CLPB: variants seen among roughly 807,000 people sequenced by gnomAD.
The protein encoded by CLPB is ClpB family mitochondrial disaggregase, also known as mitochondrial disaggregase.
Under a neutral mutation model 78.4 loss-of-function variants are expected in CLPB, and 40 were observed. The observed-to-expected ratio is 0.51, with a 90% CI of 0.40 to 0.66. The LOEUF (loss-of-function observed/expected upper bound fraction) is 0.66. Among genes scored for constraint, CLPB ranks in the 30% least tolerant of loss-of-function variants. CLPB has a pLI of 0.00. For synonymous variants in CLPB, 333 were observed against 348.0 expected, an observed-to-expected ratio of 0.96 and a Z score of 0.48; for missense variants, 780 against 886.9, an observed-to-expected ratio of 0.88 and a Z score of 1.53.
Position 72,434,204 on chromosome 11 carries a change from G to C in CLPB, c.271C>G (p.Leu91Val). ...KCLAAATWGR[L>V]PGPEETLPGQ... ...GGGAGTGTTTCTTCGGGACCAGGAAGGCGTCCCCAAGTGGCAGCCGCGAGG... is the reference window on the plus strand; with the variant it reads ...GGGAGTGTTTCTTCGGGACCAGGAACGCGTCCCCAAGTGGCAGCCGCGAGG... Residue 91 changes from leucine to valine, a missense_variant, in exon 1 of 16, where the codon CTT (leucine) becomes GTT (valine). By Grantham distance (32) the Leu-to-Val change is conservative (BLOSUM62 1). This residue lies in a region of CLPB where 417 missense variants were observed against 414.7 expected (regional missense o/e 1.01). Transcript: ENST00000538039. The C allele has an allele frequency of 6.2e-7, 1 of 1,613,586 alleles. No individual in the cohort carries two copies. Among genetic ancestry groups the C allele is most frequent in the Non-Finnish European group, 8.5e-7 (1 of 1,180,012 alleles).
At chr11:72,301,667 GATGA>G in intron 11 of CLPB, 132 bp downstream of exon 11, 1 of 976,886 alleles carries the variant, frequency 1.0e-6, no homozygotes, top group African/African-American at 1.6e-5. Flanking sequence ...GCACCTACTG[GATGA>G]ATGAATGTAC....
intron 11 of CLPB, among the ~76,000 whole-genome samples, chr11:72,297,017 C>A (rs1949563263): frequency 6.6e-6 from 1 of 152,250 alleles, no homozygotes; most frequent in Non-Finnish European, 1.5e-5. Context: ...TGAATGAGGC[C>A]TCGTGCTATT....
At chr11:72,372,037 T>C (rs955927979) in intron 4 of CLPB, among the ~76,000 whole-genome samples, 1 of 152,216 alleles carries the variant, frequency 6.6e-6, no homozygotes, top group Admixed American at 6.5e-5. Context: ...GTACTCCAAT[T>C]TGGGCCTTAA....
intron 7 of CLPB, among the ~76,000 whole-genome samples, chr11:72,311,661 C>T (rs1949849885): frequency 1.3e-5 from 2 of 152,248 alleles, no homozygotes; most frequent in African/African-American, 4.8e-5. Flanking sequence ...CCTTGGAAAA[C>T]GTTCTCTGTA....
intron 3 of CLPB, among the ~76,000 whole-genome samples, chr11:72,397,046 T>A (rs777383775): frequency 7.0e-4 from 107 of 152,332 alleles, no homozygotes; most frequent in Non-Finnish European, 1.3e-3. Flanking sequence ...TTCTCCATCA[T>A]CCCAAAAAGT....
At position 72,294,080 on chromosome 11, in the gene CLPB, G is replaced by A. The variant is rs765234416; in HGVS notation, c.1727C>T (p.Ala576Val). 3.1e-6 allele frequency: 5 copies of A among 1,614,048 alleles called. No homozygotes were observed. The highest frequency in any genetic ancestry group is 4.2e-6 in the Non-Finnish European group (5 of 1,180,026). The change falls in exon 15 of 16, where the codon GCA becomes GTA. Residue 576 changes from alanine to valine, a missense_variant. Around this residue, in one of 3 missense-constraint regions of CLPB, gnomAD observed 272 missense variants for 304.0 expected, o/e 0.89. Coordinates refer to ENST00000538039, the MANE Select transcript of CLPB (RefSeq NM_001258392.3). The stretch of plus-strand genomic sequence containing the variant: ...ATTGTAGCCGTCGACCAGCACATCT[G>A]CCACCTCGCGGTCCCAGAGCAGCGT... ...NITLLWDREVADVLVDGYNVH... is the reference protein window; with the variant it reads ...NITLLWDREVVDVLVDGYNVH...
At chr11:72,407,874 C>T (rs924855891) in intron 2 of CLPB, among the ~76,000 whole-genome samples, 2 of 152,172 alleles carry the variant, frequency 1.3e-5, no homozygotes, top group African/African-American at 4.8e-5. Context: ...GTCTTGATCT[C>T]CTGACCTTGT....
chr11:72,365,715 G>C (rs945780027), intron 4 of CLPB, among the ~76,000 whole-genome samples: 2 of 152,148 alleles, frequency 1.3e-5, no homozygotes, highest in Non-Finnish European at 2.9e-5. Context: ...CAGACACATA[G>C]ACCAATGGAA....
At chr11:72,320,820 C>A (rs1950030709) in intron 6 of CLPB, among the ~76,000 whole-genome samples, 1 of 152,144 alleles carries the variant, frequency 6.6e-6, no homozygotes, top group African/African-American at 2.4e-5. Flanking sequence ...TCAAGCAATT[C>A]TCCTGCCTCA....
intron 4 of CLPB, among the ~76,000 whole-genome samples, chr11:72,364,532 A>T (rs557523254): frequency 7.0e-4 from 106 of 151,726 alleles, no homozygotes; most frequent in Non-Finnish European, 1.1e-3. Context: ...ATTAAAAAAA[A>T]ATATATAGAG....
At chr11:72,297,219 G>C (rs1949566729) in intron 11 of CLPB, among the ~76,000 whole-genome samples, 1 of 152,250 alleles carries the variant, frequency 6.6e-6, no homozygotes, top group Non-Finnish European at 1.5e-5. Flanking sequence ...CAGCCTGTTG[G>C]CTCCTGCCTG....
intron 5 of CLPB, chr11:72,351,417 G>C (rs1442110260): frequency 6.6e-6 from 1 of 152,188 alleles, no homozygotes; most frequent in East Asian, 1.9e-4. Context: ...CTGTGTACTG[G>C]TGCCAGACGG....
At chr11:72,397,043 T>C (rs1855427272) in intron 3 of CLPB, among the ~76,000 whole-genome samples, 2 of 152,378 alleles carry the variant, frequency 1.3e-5, no homozygotes, top group South Asian at 4.1e-4. Flanking sequence ...TATTTCTCCA[T>C]CATCCCAAAA....
intron 5 of CLPB, among the ~76,000 whole-genome samples, chr11:72,350,433 T>A (rs1421170302): frequency 6.6e-6 from 1 of 152,250 alleles, no homozygotes; most frequent in Non-Finnish European, 1.5e-5. Flanking sequence ...GGTCCCATTA[T>A]GCTCTTATAG....
chr11:72,403,921 A>AGTATTTACATTCATGATTCCAT (rs1186681775), intron 2 of CLPB, among the ~76,000 whole-genome samples: 1 of 152,242 alleles, frequency 6.6e-6, no homozygotes, highest in African/African-American at 2.4e-5. Flanking sequence ...AACTACCCCA[A>AGTATTTACATTCATGATTCCAT]GTACTTTACA....
intron 5 of CLPB, among the ~76,000 whole-genome samples, chr11:72,332,355 G>A (rs566017231): frequency 2.0e-5 from 3 of 151,992 alleles, no homozygotes; most frequent in African/African-American, 7.2e-5. Context: ...CAGGCATGGG[G>A]GCACATGCCC....
chr11:72,329,299 T>C (rs1028421179), intron 6 of CLPB, among the ~76,000 whole-genome samples: 4 of 152,148 alleles, frequency 2.6e-5, no homozygotes, highest in East Asian at 1.9e-4. Context: ...TAAGAAAAGA[T>C]TGTTTGATGA....
At chr11:72,362,295 A>G (rs1336309740) in intron 4 of CLPB, among the ~76,000 whole-genome samples, 1 of 152,186 alleles carries the variant, frequency 6.6e-6, no homozygotes, top group African/African-American at 2.4e-5. Flanking sequence ...TCTAGTATTT[A>G]TTACATTCTA....
At chr11:72,333,832 C>T (rs1224423449) in intron 5 of CLPB, among the ~76,000 whole-genome samples, 1 of 152,176 alleles carries the variant, frequency 6.6e-6, no homozygotes, top group African/African-American at 2.4e-5. Flanking sequence ...CAGTGGCAGA[C>T]AGCATCCTCC....
Sources: gnomAD v4.1 joint callset for allele counts (sites outside exome capture counted in the v4.1 genomes callset) on GRCh38, gnomAD v4.1.1 for gene constraint, gnomAD v4.1.1 regional missense constraint, MANE v1.5 for transcripts, NCBI Gene and HGNC (gene_info 2026-07-23, HGNC 2026-07-21) for gene names.